The following NHSL2 variants were observed in gnomAD, a reference collection of about 807,000 sequenced individuals.
NHSL2 encodes NHS-like protein 2.
Under a neutral mutation model 53.4 loss-of-function variants are expected in NHSL2, and 27 were observed. The observed-to-expected ratio is 0.51, with a 90% CI of 0.37 to 0.70. NHSL2 has a LOEUF of 0.70. NHSL2 is among the 30% of genes least tolerant of loss of function. The pLI is 0.00. For missense variants in NHSL2, 892 were observed against 980.1 expected (o/e 0.91, Z 1.20); for synonymous variants, 408 against 404.1 (o/e 1.01, Z -0.12).
chrX:72,007,798 G>A (rs2042100713), intron 1 of NHSL2, among the ~76,000 whole-genome samples: 1 of 113,256 alleles, frequency 8.8e-6, no homozygotes, highest in Non-Finnish European at 1.9e-5. Flanking sequence ...AGCGGGCCAG[G>A]ACCCAGAGGT....
intron 1 of NHSL2, among the ~76,000 whole-genome samples, chrX:72,110,870 G>A (rs1286639212): frequency 9.0e-6 from 1 of 110,908 alleles, no homozygotes; most frequent in East Asian, 2.8e-4. Flanking sequence ...TGGCCCCCTG[G>A]AAATTCGAGT....
At chrX:72,051,406 C>T (rs1324620320) in intron 1 of NHSL2, among the ~76,000 whole-genome samples, 9 of 111,921 alleles carry the variant, frequency 8.0e-5, no homozygotes, top group African/African-American at 2.9e-4. Flanking sequence ...TGCAAAATCG[C>T]TCTTTCAGAT....
At chrX:71,942,775 C>T (rs1011195273) in intron 1 of NHSL2, among the ~76,000 whole-genome samples, 4 of 110,510 alleles carry the variant, frequency 3.6e-5, no homozygotes, top group East Asian at 2.9e-4. Context: ...AACCAAATGA[C>T]GTTCCCTTTT....
At chrX:72,123,883 G>A (rs1428410301) in intron 1 of NHSL2, among the ~76,000 whole-genome samples, 1 of 111,339 alleles carries the variant, frequency 9.0e-6, no homozygotes, top group Non-Finnish European at 1.9e-5. Flanking sequence ...TACCCCATGT[G>A]TGGCAGGCAG....
intron 1 of NHSL2, among the ~76,000 whole-genome samples, chrX:72,050,841 G>A (rs1446346400): frequency 3.7e-5 from 4 of 108,854 alleles, no homozygotes; most frequent in African/African-American, 1.3e-4. Context: ...GTGAGCTGAG[G>A]TTGCGTCACT....
intron 1 of NHSL2, among the ~76,000 whole-genome samples, chrX:71,934,394 C>T (rs2147824548): frequency 8.9e-6 from 1 of 111,770 alleles, no homozygotes; most frequent in African/African-American, 3.2e-5. Flanking sequence ...CACGTGAATT[C>T]AATGCACGTG....
intron 1 of NHSL2, among the ~76,000 whole-genome samples, chrX:72,099,361 A>ATTTTTT (rs753132294): frequency 2.4e-5 from 2 of 84,332 alleles, no homozygotes; most frequent in Admixed American, 1.4e-4. Context: ...TTGTGTAGGA[A>ATTTTTT]TTTTTTTTTT....
intron 1 of NHSL2, among the ~76,000 whole-genome samples, chrX:72,114,771 G>T (rs895858791): frequency 1.5e-4 from 17 of 112,386 alleles, no homozygotes; most frequent in African/African-American, 5.5e-4. Context: ...TATCCCTGAG[G>T]TGGAACCTTG....
chrX:71,997,385 T>C (rs1334024935), intron 1 of NHSL2, among the ~76,000 whole-genome samples: 1 of 112,230 alleles, frequency 8.9e-6, no homozygotes, highest in Non-Finnish European at 1.9e-5. Flanking sequence ...CAGCTAGTGC[T>C]CTCCTGGCCC....
chrX:72,042,744 A>C, intron 1 of NHSL2, among the ~76,000 whole-genome samples: 1 of 55,577 alleles, frequency 1.8e-5, no homozygotes, highest in African/African-American at 4.3e-5. Context: ...CAAGAAGACA[A>C]TCCCTGAGCC....
At chrX:72,001,090 T>A (rs2042070784) in intron 1 of NHSL2, among the ~76,000 whole-genome samples, 1 of 112,401 alleles carries the variant, frequency 8.9e-6, no homozygotes, top group Non-Finnish European at 1.9e-5. Context: ...TGGAGTAAGA[T>A]GCCCCTTTCA....
chrX:72,132,075 C>T lies in NHSL2; in HGVS notation c.281-4C>T, dbSNP rs1467076353. 5 of 1,166,774 alleles carry T rather than the reference C, an allele frequency of 4.3e-6. No individual in the cohort carries two copies. The South Asian group carries it at 7.6e-5, about 18-fold the overall frequency. On this transcript the variant is annotated splice_polypyrimidine_tract_variant and splice_region_variant and intron_variant, in intron 1 of 7. Coordinates refer to ENST00000633930, the MANE Select transcript of NHSL2 (RefSeq NM_001013627.3). ...CGCCTCTCACTGACTCTCTCCTTCC[C>T]TAGCTGCAGCTAACTCGGGTCGGGA...
intron 1 of NHSL2, among the ~76,000 whole-genome samples, chrX:71,986,957 A>C (rs2042005408): frequency 8.9e-6 from 1 of 112,355 alleles, no homozygotes; most frequent in African/African-American, 3.2e-5. Flanking sequence ...TTAACCCTTT[A>C]ATCTAGGCAA....
chrX:72,115,437 G>GGA (rs1411743177), intron 1 of NHSL2, among the ~76,000 whole-genome samples: 1 of 88,622 alleles, frequency 1.1e-5, no homozygotes, highest in East Asian at 5.1e-4. Context: ...GGGGCGGGGG[G>GGA]GGGGTGCGGG....
At chrX:71,911,436 T>G in intron 1 of NHSL2, 69 bp downstream of exon 1, 9 of 930,098 alleles carry the variant, frequency 9.7e-6, no homozygotes, top group Non-Finnish European at 1.2e-5. Context: ...GGTCGGCGCT[T>G]AGCGCTGTGC....
chrX:72,094,932 A>G (rs1443708523), intron 1 of NHSL2, among the ~76,000 whole-genome samples: 2 of 112,276 alleles, frequency 1.8e-5, no homozygotes, highest in Non-Finnish European at 1.9e-5. Context: ...AAGCAAGAGC[A>G]TTGCAAAGCT....
At chrX:72,069,976 C>T (rs899364617) in intron 1 of NHSL2, among the ~76,000 whole-genome samples, 2 of 112,081 alleles carry the variant, frequency 1.8e-5, no homozygotes, top group Non-Finnish European at 3.8e-5. Flanking sequence ...GCCCCTTCGC[C>T]GGCAACCCTG....
chrX:72,138,923 G>A lies in NHSL2; in HGVS notation c.1375G>A (p.Glu459Lys). ...ATGCAGTGGGTCAGCTGGCTACCCT[G>A]AGCGCCTTATTCAGCAAAGGCACAT... ...AGCSGSAGYP[E>K]RLIQQRHMPE... Residue 459 changes from glutamate to lysine, a missense_variant, in exon 6 of 8, where the codon GAG becomes AAG. Transcript: ENST00000633930. 4.1e-6 allele frequency: 5 copies of A among 1,209,275 alleles called. No homozygotes were observed. The highest frequency in any genetic ancestry group is 5.6e-6 in the Non-Finnish European group (5 of 894,085).
At chrX:72,043,618 C>T (rs1038486891) in intron 1 of NHSL2, among the ~76,000 whole-genome samples, 7 of 111,763 alleles carry the variant, frequency 6.3e-5, no homozygotes, top group African/African-American at 2.3e-4. Flanking sequence ...GAAACAGCTT[C>T]TTTAGTACAG....
Sources: gnomAD v4.1 joint callset for allele counts (sites outside exome capture counted in the v4.1 genomes callset) on GRCh38, gnomAD v4.1.1 for gene constraint, MANE v1.5 for transcripts, NCBI Gene and HGNC (gene_info 2026-07-23, HGNC 2026-07-21) for gene names.